PAN3: variants seen among roughly 807,000 people sequenced by gnomAD.
PAN3 encodes poly(A) specific ribonuclease subunit PAN3.
Under a neutral mutation model 96.2 loss-of-function variants are expected in PAN3, and 19 were observed. The ratio of observed to expected loss-of-function variants is 0.20; its 90% CI spans 0.14 to 0.29. PAN3 has a LOEUF of 0.29. PAN3 is among the 10% of genes least tolerant of loss of function. PAN3 has a pLI of 1.00. For missense variants in PAN3, 882 were observed against 1,108.1 expected, an observed-to-expected ratio of 0.80 and a Z score of 2.90; for synonymous variants, 433 against 406.6, an observed-to-expected ratio of 1.06 and a Z score of -0.78.
intron 4 of PAN3, among the ~76,000 whole-genome samples, chr13:28,188,370 T>C (rs752990252): frequency 5.2e-4 from 79 of 152,286 alleles, no homozygotes; most frequent in Non-Finnish European, 9.7e-4. Flanking sequence ...TAATGATTAG[T>C]GGTTAATCAC....
At chr13:28,287,939 A>G (rs754516685) in intron 17 of PAN3, 45 bp from the exon 18 acceptor site, 2 of 1,560,298 alleles carry the variant, frequency 1.3e-6, no homozygotes, top group Non-Finnish European at 1.7e-6. Context: ...ATGGCCACAG[A>G]CCATACAGCA....
intron 1 of PAN3, among the ~76,000 whole-genome samples, chr13:28,167,653 A>AATT (rs988289044): frequency 7.3e-6 from 1 of 136,754 alleles, no homozygotes; most frequent in Non-Finnish European, 1.5e-5. Flanking sequence ...GCTGGGCAAT[A>AATT]TGGTGAAACC....
At chr13:28,278,013 C>G (rs750018807) in intron 15 of PAN3, among the ~76,000 whole-genome samples, 18 of 152,270 alleles carry the variant, frequency 1.2e-4, no homozygotes, top group Non-Finnish European at 1.9e-4. Context: ...AAGGACTTCT[C>G]CGTAAGATAT....
At chr13:28,181,504 CAAAAAA>C (rs894039087) in intron 4 of PAN3, among the ~76,000 whole-genome samples, 7 of 57,268 alleles carry the variant, frequency 1.2e-4, no homozygotes, top group African/African-American at 5.0e-4. Context: ...AACCCTGTCT[CAAAAAA>C]AAAAAAAAAA....
At chr13:28,259,802 C>T (rs1885540931) in intron 7 of PAN3, among the ~76,000 whole-genome samples, 4 of 151,902 alleles carry the variant, frequency 2.6e-5, no homozygotes, top group Non-Finnish European at 2.9e-5. Flanking sequence ...CCATGCCCCA[C>T]TAATTTTGTA....
At chr13:28,189,749 A>G (rs1593438560) in intron 4 of PAN3, among the ~76,000 whole-genome samples, 1 of 152,160 alleles carries the variant, frequency 6.6e-6, no homozygotes, top group South Asian at 2.1e-4. Context: ...GAGCATCTGC[A>G]GTCTTGGGAG....
At chr13:28,235,696 T>TACACACAC (rs34812975) in intron 6 of PAN3, among the ~76,000 whole-genome samples, 3,592 of 140,640 alleles carry the variant, frequency 0.026, 71 homozygotes, top group African/African-American at 0.051. Context: ...CACACACACA[T>TACACACAC]ACACACACAC....
rs1036529455 is a variant in PAN3, at chr13:28,143,923, C to T, written c.430+4836C>T. Among the ~76,000 whole-genome samples, 11 of 152,290 alleles carry T rather than the reference C, an allele frequency of 7.2e-5. No individual in the cohort carries two copies. The East Asian group carries it at 1.9e-3, about 27-fold the overall frequency. ...AGCCAAGACTAGCCTTTTCATCCCA[C>T]AAACCTATACTAAGTGACAGAGAAG... On this transcript the variant is annotated intron_variant, in intron 1 of 18. Transcript: ENST00000380958.
intron 5 of PAN3, among the ~76,000 whole-genome samples, chr13:28,213,702 CAA>C (rs779035643): frequency 3.6e-4 from 28 of 78,296 alleles, no homozygotes; most frequent in Admixed American, 4.3e-4. Flanking sequence ...GAAAAAACAG[CAA>C]AAAAAAAAAA....
At chr13:28,249,473 G>A (rs558915363) in intron 6 of PAN3, among the ~76,000 whole-genome samples, 30 of 151,726 alleles carry the variant, frequency 2.0e-4, no homozygotes, top group Non-Finnish European at 3.5e-4. Context: ...TTTTGAGGTG[G>A]AGTCTCACTC....
At chr13:28,181,472 A>C (rs1339546457) in intron 4 of PAN3, among the ~76,000 whole-genome samples, 1 of 149,738 alleles carries the variant, frequency 6.7e-6, no homozygotes, top group Non-Finnish European at 1.5e-5. Context: ...TGATCACTCT[A>C]ATGCACTGTG....
chr13:28,276,917 A>G (rs1161567310), intron 14 of PAN3, among the ~76,000 whole-genome samples: 1 of 152,178 alleles, frequency 6.6e-6, no homozygotes, highest in Non-Finnish European at 1.5e-5. Context: ...AAACTTTTTA[A>G]AAGTGGCAAT....
In PAN3 at chr13:28,269,135, C is replaced by T. The variant is rs1886409618; in HGVS notation, c.1793-1566C>T. 1.3e-5 allele frequency among the ~76,000 whole-genome samples: 2 copies of T among 152,116 alleles called. 1 individual carries two copies. The highest frequency in any genetic ancestry group is 4.8e-5 in the African/African-American group (2 of 41,424). On this transcript the variant is annotated intron_variant, in intron 12 of 18. Coordinates refer to ENST00000380958, the MANE Select transcript of PAN3 (RefSeq NM_175854.8). ...ATAGTGGCCTCTTCTGACTGAAGGG[C>T]CTGGCTTCTGCCTACTGAATGCCAG...
chr13:28,157,729 C>T lies in PAN3; in HGVS notation c.431-16543C>T, dbSNP rs770462068. Among the ~76,000 whole-genome samples the T allele has an allele frequency of 3.9e-5, 6 of 152,116 alleles. No homozygotes were observed. The East Asian group carries it at 5.8e-4, about 15-fold the overall frequency. On this transcript the variant is annotated intron_variant, in intron 1 of 18. Transcript: ENST00000380958. ...GAGATGACACAAATGCAAAAACATT[C>T]GATGCTCATGGATAGGAAGAATCAA...
intron 7 of PAN3, 77 bp downstream of exon 7, chr13:28,256,616 T>C (rs750590349): frequency 6.6e-5 from 94 of 1,423,422 alleles, no homozygotes; most frequent in Non-Finnish European, 8.7e-5. Flanking sequence ...GTCTACCCCC[T>C]CCTGCAGCTT....
intron 8 of PAN3, 151 bp from the exon 9 acceptor site, chr13:28,261,250 C>A: frequency 4.5e-6 from 2 of 444,286 alleles, no homozygotes; most frequent in Admixed American, 3.9e-5. Context: ...GACATTTTAC[C>A]ATGTTTAGAA....
intron 6 of PAN3, among the ~76,000 whole-genome samples, chr13:28,246,587 A>C (rs1468836428): frequency 6.6e-6 from 1 of 151,988 alleles, no homozygotes; most frequent in Non-Finnish European, 1.5e-5. Context: ...ACCCACCAAC[A>C]CTTCTCAACT....
In PAN3 at chr13:28,294,235, A is replaced by G. The variant is rs1314793027; in HGVS notation, c.*1713A>G. The G allele has an allele frequency of 6.6e-6, 1 of 152,666 alleles. No individual in the cohort carries two copies. Among genetic ancestry groups the G allele is most frequent in the Non-Finnish European group, 1.5e-5 (1 of 68,044 alleles). The allele number at this position is 152,666 out of a possible 1,614,324, so 9.5% of individuals were successfully genotyped here. The stretch of plus-strand genomic sequence containing the variant: ...TCTGGATGGATTTTAAAAGAATATA[A>G]TGTTCAATATTAAAAGGATAATTCA... On this transcript the variant is annotated 3_prime_UTR_variant, in exon 19 of 19. Transcript: ENST00000380958.
intron 1 of PAN3, among the ~76,000 whole-genome samples, chr13:28,169,627 G>A (rs1241189886): frequency 6.6e-6 from 1 of 152,152 alleles, no homozygotes; most frequent in African/African-American, 2.4e-5. Flanking sequence ...GTATAGGATG[G>A]AATAACGTAT....
Sources: allele counts gnomAD v4.1 joint callset (sites outside exome capture counted in the v4.1 genomes callset), GRCh38; gene constraint gnomAD v4.1.1; transcripts MANE v1.5; gene names NCBI Gene and HGNC (gene_info 2026-07-23, HGNC 2026-07-21).